CPNE8: variants seen among roughly 807,000 people sequenced by gnomAD.
The protein encoded by CPNE8 is copine 8, also known as copine-8.
Under a neutral mutation model 81.5 loss-of-function variants are expected in CPNE8, and 45 were observed. That is an observed-to-expected ratio of 0.55 (90% CI 0.44 to 0.71). The LOEUF is 0.71. CPNE8 is among the 30% of genes least tolerant of loss of function. CPNE8 has a pLI of 0.00. For missense variants in CPNE8, 594 were observed against 672.1 expected, an observed-to-expected ratio of 0.88 and a Z score of 1.28; for synonymous variants, 252 against 226.3, an observed-to-expected ratio of 1.11 and a Z score of -1.02.
At chr12:38,748,074 G>A (rs1472877408) in intron 10 of CPNE8, among the ~76,000 whole-genome samples, 2 of 152,006 alleles carry the variant, frequency 1.3e-5, no homozygotes, top group East Asian at 1.9e-4. Flanking sequence ...GCAATGGCGC[G>A]ATCTCGGCTC....
At chr12:38,828,160 T>C (rs1296816138) in intron 6 of CPNE8, among the ~76,000 whole-genome samples, 1 of 152,190 alleles carries the variant, frequency 6.6e-6, no homozygotes, top group Non-Finnish European at 1.5e-5. Flanking sequence ...AAAAGGTAGA[T>C]TTAGTGGTCT....
intron 6 of CPNE8, among the ~76,000 whole-genome samples, chr12:38,791,033 C>T (rs1942310643): frequency 6.6e-6 from 1 of 151,708 alleles, no homozygotes; most frequent in African/African-American, 2.4e-5. Flanking sequence ...TTACATTCTT[C>T]GTTAATGCCA....
rs1262379673 is a variant in CPNE8 at position 38,717,427 on chromosome 12, GTGTATATATATATATA to G, written c.914+6329_914+6344del. The stretch of plus-strand genomic sequence containing the variant: ...CCAACAAGTAAACAAAGAAAGTGTG[GTGTATATATATATATA>G]TATATATATATATATACACCATGGA... On this transcript the variant is annotated intron_variant, in intron 13 of 19. Transcript: ENST00000331366. Among the ~76,000 whole-genome samples the G allele has an allele frequency of 2.2e-4, 15 of 69,724 alleles. 2 individuals carry two copies. The highest frequency in any genetic ancestry group is 2.0e-3 in the Admixed American group (10 of 4,946). 45.7% of individuals were successfully genotyped at this position (69,724 alleles called of 152,430 possible). A position where few individuals can be genotyped will look rare whatever the true frequency, so the allele number is the denominator to read the frequency against.
chr12:38,767,735 C>T lies in CPNE8; in HGVS notation c.475G>A (p.Ala159Thr), dbSNP rs1015325273. The T allele has an allele frequency of 6.5e-7, 1 of 1,537,138 alleles. No individual in the cohort carries two copies. The change falls in exon 8 of 20, where the codon GCC becomes ACC. Residue 159 changes from alanine to threonine, a missense_variant. Transcript: ENST00000331366. ...TTCGCACAAAATTGCATCAAAACGG[C>T]ATCCTAAAAACAAAATTAATAAAAC... The part of the protein sequence containing the change: ...TAEELNCCRD[A>T]VLMQFCANKL...
intron 6 of CPNE8, among the ~76,000 whole-genome samples, chr12:38,790,612 T>C (rs771469809): frequency 4.1e-4 from 62 of 151,740 alleles, no homozygotes; most frequent in Non-Finnish European, 5.6e-4. Flanking sequence ...TTAACTAGAT[T>C]GTAACATAAA....
At chr12:38,750,945 G>C (rs1044341561) in intron 10 of CPNE8, among the ~76,000 whole-genome samples, 1 of 152,180 alleles carries the variant, frequency 6.6e-6, no homozygotes, top group African/African-American at 2.4e-5. Flanking sequence ...CCCACGTGTT[G>C]TGGGAGGGAC....
At chr12:38,731,572 A>C (rs1008376102) in intron 10 of CPNE8, among the ~76,000 whole-genome samples, 6 of 151,882 alleles carry the variant, frequency 4.0e-5, no homozygotes, top group African/African-American at 1.4e-4. Context: ...GTATATACTA[A>C]TATTTCATGG....
chr12:38,833,644 A>C (rs190301226), intron 5 of CPNE8, among the ~76,000 whole-genome samples: 587 of 151,642 alleles, frequency 3.9e-3, no homozygotes, highest in Non-Finnish European at 5.8e-3. Flanking sequence ...ACGCCCAGCT[A>C]ATTTTTTGTA....
chr12:38,723,742 G>A, intron 13 of CPNE8, 30 bp downstream of exon 13: 2 of 1,410,092 alleles, frequency 1.4e-6, no homozygotes, highest in East Asian at 4.6e-5. Flanking sequence ...AAATGCCTAA[G>A]CAACGAAACA....
At chr12:38,654,514 CAA>C (rs71068569) in intron 19 of CPNE8, among the ~76,000 whole-genome samples, 1,723 of 97,532 alleles carry the variant, frequency 0.018, 20 homozygotes, top group South Asian at 0.066. Flanking sequence ...GACTCTGTCT[CAA>C]AAAAAAAAAA....
At chr12:38,715,338 T>C (rs2136720345) in intron 13 of CPNE8, among the ~76,000 whole-genome samples, 1 of 152,178 alleles carries the variant, frequency 6.6e-6, no homozygotes, top group South Asian at 2.1e-4. Flanking sequence ...AGAGAATCAA[T>C]ATAATTGTTG....
chr12:38,723,877 C>A (rs368903353), intron 12 of CPNE8, 44 bp from the exon 13 acceptor site: 1 of 1,003,726 alleles, frequency 1.0e-6, no homozygotes, highest in Non-Finnish European at 1.6e-6. Context: ...TGTTTGTGAC[C>A]CCAAATAGAC....
chr12:38,734,009 T>C (rs980573), intron 10 of CPNE8, among the ~76,000 whole-genome samples: 83,201 of 151,066 alleles, frequency 0.55, 23,403 homozygotes, highest in East Asian at 0.8. Context: ...GAAGTCTTTT[T>C]TGCTTCATTC....
In CPNE8 at chr12:38,797,778, G is replaced by C. The variant is rs141282475; in HGVS notation, c.408-21477C>G. Among the ~76,000 whole-genome samples the C allele has an allele frequency of 9.4e-3, 1,430 of 152,156 alleles. 21 individuals are homozygous for C. The highest frequency in any genetic ancestry group is 0.04 in the South Asian group (195 of 4,822). ...GCTAAAGGAGGAAGTTTGAACCAAT[G>C]GCAAAGAAGTTAAAAACTTTGAAAA... On this transcript the variant is annotated intron_variant, in intron 6 of 19. Transcript: ENST00000331366.
chr12:38,723,943 G>T lies in CPNE8; in HGVS notation c.853-110C>A. ...TCTTTGCATTTTGAAACTCACTAAA[G>T]ATATTATTTTTTATTAACATCTGCT... is the stretch of plus-strand genomic sequence containing the variant. On this transcript the variant is annotated intron_variant, in intron 12 of 19. Coordinates refer to ENST00000331366, the MANE Select transcript of CPNE8 (RefSeq NM_153634.3). The T allele has an allele frequency of 4.4e-6, 3 of 677,592 alleles. 1 individual carries two copies. The highest frequency in any genetic ancestry group is 3.8e-5 in the South Asian group (2 of 52,336). The allele number at this position is 677,592 out of a possible 1,614,324, so 42.0% of individuals were successfully genotyped here.
intron 10 of CPNE8, among the ~76,000 whole-genome samples, chr12:38,744,477 A>G (rs1007771478): frequency 6.6e-6 from 1 of 152,198 alleles, no homozygotes; most frequent in Non-Finnish European, 1.5e-5. Flanking sequence ...CCCATCAATA[A>G]TACTATATAT....
chr12:38,721,847 G>C (rs953784798), intron 13 of CPNE8, among the ~76,000 whole-genome samples: 6 of 152,238 alleles, frequency 3.9e-5, no homozygotes, highest in African/African-American at 1.4e-4. Flanking sequence ...GTCTGGTCCA[G>C]CCATAGCCTT....
intron 10 of CPNE8, among the ~76,000 whole-genome samples, chr12:38,752,590 A>G (rs1941374191): frequency 6.6e-6 from 1 of 152,306 alleles, no homozygotes; most frequent in Admixed American, 6.5e-5. Flanking sequence ...TGGTAACCTC[A>G]CAACAGAATA....
chr12:38,841,753 GA>G (rs1183656052), intron 4 of CPNE8, among the ~76,000 whole-genome samples: 1 of 152,136 alleles, frequency 6.6e-6, no homozygotes, highest in Non-Finnish European at 1.5e-5. Flanking sequence ...TGCCACTTTT[GA>G]ATCTGCTTGA....
Sources: allele counts gnomAD v4.1 joint callset (sites outside exome capture counted in the v4.1 genomes callset), GRCh38; gene constraint gnomAD v4.1.1; transcripts MANE v1.5; gene names NCBI Gene and HGNC (gene_info 2026-07-23, HGNC 2026-07-21).